LRRK1: variants seen among roughly 807,000 people sequenced by gnomAD.
LRRK1 encodes the protein leucine-rich repeat serine/threonine-protein kinase 1.
In LRRK1, 113 loss-of-function variants were observed where a neutral mutation model predicts 209.1. That is an observed-to-expected ratio of 0.54 (90% CI 0.46 to 0.63). LRRK1 has a LOEUF of 0.63. Ranked by LOEUF, LRRK1 falls within the 30% of genes least tolerant of loss-of-function variation. The pLI, the probability that LRRK1 is intolerant of heterozygous loss-of-function variation, is 0.00. For synonymous variants in LRRK1, 1,144 were observed against 1,099.7 expected (o/e 1.04, Z -0.80); for missense variants, 2,284 against 2,632.2 (o/e 0.87, Z 2.89).
At chr15:100,986,802 C>T (rs1157580340) in intron 4 of LRRK1, among the ~76,000 whole-genome samples, 2 of 152,230 alleles carry the variant, frequency 1.3e-5, no homozygotes, top group Non-Finnish European at 2.9e-5. Context: ...CACTCCTTGC[C>T]CTCTGCCTTC....
Position 101,065,696 on chromosome 15 carries a change from C to T in LRRK1, c.5259C>T (p.Cys1753=), listed in dbSNP as rs778692084. The T allele has an allele frequency of 1.2e-5, 20 of 1,613,956 alleles. 1 individual carries two copies. In the South Asian group the frequency reaches 1.9e-4, roughly 15 times the overall value. ...SEGRGEEVVW[C]LDDKANSLVM... ...GCAGAGGGGAGGAGGTCGTCTGGTG[C>T]CTGGATGACAAGGCCAACTCCTTGG... The change falls in exon 32 of 34, where the codon TGC becomes TGT. Residue 1753 remains cysteine, a synonymous_variant. Transcript: ENST00000388948.
intron 9 of LRRK1, 49 bp from the exon 10 acceptor site, chr15:101,011,959 A>G: frequency 7.2e-7 from 1 of 1,394,782 alleles, no homozygotes; most frequent in South Asian, 1.3e-5. Context: ...GCACCACTGC[A>G]TTTAAAGAGC....
chr15:100,951,299 A>T (rs1382555115), intron 2 of LRRK1, among the ~76,000 whole-genome samples: 2 of 152,218 alleles, frequency 1.3e-5, no homozygotes, highest in Admixed American at 1.3e-4. Context: ...GGCAAGCGGT[A>T]GTCAGGATAT....
chr15:100,946,909 C>A lies in LRRK1; in HGVS notation c.97+22180C>A, dbSNP rs375158793. On this transcript the variant is annotated intron_variant, in intron 2 of 33. Coordinates refer to ENST00000388948, the MANE Select transcript of LRRK1 (RefSeq NM_024652.6). ...TTTTCAACACAGATTCCAAAGAGCTCTTTTCCTTCATTTGCAAAGAGCATT... is the reference window on the plus strand; with the variant it reads ...TTTTCAACACAGATTCCAAAGAGCTATTTTCCTTCATTTGCAAAGAGCATT... Among the ~76,000 whole-genome samples, 164 of 152,308 alleles carry A rather than the reference C, an allele frequency of 1.1e-3. 3 individuals carry two copies. Among genetic ancestry groups the A allele is most frequent in the African/African-American group, 3.9e-3 (161 of 41,574 alleles).
chr15:100,932,464 AAT>A (rs1177375645), intron 2 of LRRK1, among the ~76,000 whole-genome samples: 2 of 152,114 alleles, frequency 1.3e-5, no homozygotes, highest in African/African-American at 4.8e-5. Flanking sequence ...ATCTTTCATC[AAT>A]GTCTTATTAA....
intron 19 of LRRK1, 147 bp from the exon 20 acceptor site, chr15:101,028,809 C>A: frequency 2.2e-6 from 2 of 890,704 alleles, no homozygotes; most frequent in Non-Finnish European, 3.4e-6. Context: ...AGGCTGCCAG[C>A]CCACCTGAAG....
chr15:101,077,461 T>C lies in LRRK1; in HGVS notation c.*8613T>C, dbSNP rs1171543340. ...TACATAATCTTTGCTGGCAGGACTA[T>C]GCTGAACCTCCTTTGGCACTCTCTA... On this transcript the variant is annotated 3_prime_UTR_variant, in exon 34 of 34. Transcript: ENST00000388948. The C allele has an allele frequency of 6.6e-6, 1 of 152,242 alleles. No homozygotes were observed. Among genetic ancestry groups the C allele is most frequent in the African/African-American group, 2.4e-5 (1 of 41,466 alleles). The allele number at this position is 152,242 out of a possible 1,614,324, so 9.4% of individuals were successfully genotyped here.
chr15:101,017,005 G>A (rs2033568448), intron 12 of LRRK1, among the ~76,000 whole-genome samples: 1 of 152,212 alleles, frequency 6.6e-6, no homozygotes, highest in African/African-American at 2.4e-5. Flanking sequence ...ACAGGGGAAG[G>A]TATGGAGCTG....
intron 10 of LRRK1, among the ~76,000 whole-genome samples, chr15:101,012,903 G>C (rs192010981): frequency 9.9e-5 from 15 of 152,170 alleles, no homozygotes; most frequent in South Asian, 2.1e-4. Context: ...GTGCCCCCGG[G>C]GGGGGGTGGT....
At chr15:100,921,090 T>C (rs904959885) in intron 1 of LRRK1, among the ~76,000 whole-genome samples, 3 of 152,220 alleles carry the variant, frequency 2.0e-5, no homozygotes, top group African/African-American at 7.2e-5. Flanking sequence ...TCCTTCTTTA[T>C]CTGTTTAATT....
intron 22 of LRRK1, 115 bp downstream of exon 22, chr15:101,048,772 C>A: frequency 2.4e-6 from 2 of 848,180 alleles, no homozygotes; most frequent in African/African-American, 1.8e-5. Context: ...CTCGTGAGAG[C>A]GGCTCGTCAT....
rs775865031 is a variant in LRRK1, at chr15:101,066,775, G to A, written c.5870+34G>A. 9 of 1,550,990 alleles carry A rather than the reference G, an allele frequency of 5.8e-6. No homozygotes were observed. The Admixed American group carries it at 6.7e-5, about 12-fold the overall frequency. On this transcript the variant is annotated intron_variant, in intron 33 of 33. Transcript: ENST00000388948. ...GAGTGGCAGCTCCTTTAGGACCCAG[G>A]CAGCAGCATGAGCACAGAAGGCCCT...
At position 101,073,223 on chromosome 15, in the gene LRRK1, AG is replaced by A. The variant is rs1166887073; in HGVS notation, c.*4377del. The stretch of plus-strand genomic sequence containing the variant: ...TCCTTTCATTTTCTGGTAGAGATAA[AG>A]GAGACACGTTTTATCCGTGGACCCA... On this transcript the variant is annotated 3_prime_UTR_variant, in exon 34 of 34. Transcript: ENST00000388948. 2 of 152,470 alleles carry A rather than the reference AG, an allele frequency of 1.3e-5. No homozygotes were observed. The highest frequency in any genetic ancestry group is 6.5e-5 in the Admixed American group (1 of 15,284). The allele number at this position is 152,470 out of a possible 1,614,324, so 9.4% of individuals were successfully genotyped here.
At chr15:100,941,314 C>CTGTGTGTGTCTCTG (rs2042406955) in intron 2 of LRRK1, among the ~76,000 whole-genome samples, 12 of 7,362 alleles carry the variant, frequency 1.6e-3, no homozygotes, top group Non-Finnish European at 2.8e-3. Context: ...GTGTGTGTGT[C>CTGTGTGTGTCTCTG]TGTGTGTGTG....
At chr15:100,940,946 C>T (rs1036829208) in intron 2 of LRRK1, among the ~76,000 whole-genome samples, 4 of 152,204 alleles carry the variant, frequency 2.6e-5, no homozygotes, top group African/African-American at 9.7e-5. Flanking sequence ...TAGACCCTGC[C>T]TTGCAGAGAC....
chr15:101,021,625 T>C, intron 13 of LRRK1: 1 of 552,192 alleles, frequency 1.8e-6, no homozygotes, highest in Non-Finnish European at 3.2e-6. Context: ...GGGGACTCAA[T>C]TCTAAGCCGT....
Position 101,014,332 on chromosome 15 carries a change from G to C in LRRK1, c.1436G>C (p.Arg479Thr), listed in dbSNP as rs1488899950. 12 of 1,613,102 alleles carry C rather than the reference G, an allele frequency of 7.4e-6. No homozygotes were observed. Among genetic ancestry groups the C allele is most frequent in the African/African-American group, 1.3e-5 (1 of 74,850 alleles). The change falls in exon 11 of 34, where the codon AGG (arginine) becomes ACG (threonine). Residue 479 changes from arginine (R) to threonine (T), a missense_variant. Around this residue, in one of 6 missense-constraint regions of LRRK1, gnomAD observed 494 missense variants for 522.1 expected, o/e 0.95. Coordinates refer to ENST00000388948, the MANE Select transcript of LRRK1 (RefSeq NM_024652.6). ...CTCTCTCAGGCCCTCATGTTCTTGA[G>C]GTTACAGGGGAACCAGCTGGCGGCA... is the stretch of plus-strand genomic sequence containing the variant. ...LFQLDALMFL[R>T]LQGNQLAALP...
Position 100,983,555 on chromosome 15 carries a change from T to C in LRRK1, c.289T>C (p.Tyr97His), listed in dbSNP as rs1309717731. 6.2e-7 allele frequency: 1 copy of C among 1,608,158 alleles called. No homozygotes were observed. Among genetic ancestry groups the C allele is most frequent in the Admixed American group, 1.7e-5 (1 of 59,448 alleles). ...CCAGCTTCTGAGCATCCCGGCAGCC[T>C]ATGGGGATCTGGAGATGGTCCGCTA... The part of the protein sequence containing the change: ...KGQLLSIPAA[Y>H]GDLEMVRYLL... Residue 97 changes from tyrosine (Y) to histidine (H), a missense_variant, in exon 4 of 34, where the codon TAT (tyrosine) becomes CAT (histidine). Physicochemically the swap from Tyr to His is moderately conservative, Grantham distance 83. This residue lies in a region of LRRK1 where 134 missense variants were observed against 191.7 expected (regional missense o/e 0.70). Transcript: ENST00000388948.
intron 10 of LRRK1, among the ~76,000 whole-genome samples, chr15:101,013,035 G>C (rs1191948506): frequency 2.0e-5 from 3 of 152,124 alleles, no homozygotes; most frequent in Non-Finnish European, 4.4e-5. Flanking sequence ...TGGATTTTTG[G>C]CTTCCCCCAA....
Sources: allele counts gnomAD v4.1 joint callset (sites outside exome capture counted in the v4.1 genomes callset), GRCh38; gene constraint gnomAD v4.1.1; regional missense constraint gnomAD v4.1.1; transcripts MANE v1.5; gene names NCBI Gene and HGNC (gene_info 2026-07-23, HGNC 2026-07-21).